Variants in CLSTN2 observed in about 807,000 individuals in gnomAD.
CLSTN2 encodes calsyntenin-2.
A neutral mutation model predicts 101.2 loss-of-function variants in CLSTN2; 48 were observed. The ratio of observed to expected loss-of-function variants is 0.47; its 90% CI spans 0.38 to 0.60. The LOEUF is 0.60. CLSTN2 is among the 20% of genes least tolerant of loss of function. CLSTN2 has a pLI of 0.00. For synonymous variants in CLSTN2, 481 were observed against 463.6 expected (o/e 1.04, Z -0.48); for missense variants, 1,160 against 1,238.2 (o/e 0.94, Z 0.95).
intron 1 of CLSTN2, among the ~76,000 whole-genome samples, chr3:140,052,071 G>C (rs2107768770): frequency 6.6e-6 from 1 of 152,328 alleles, no homozygotes; most frequent in Non-Finnish European, 1.5e-5. Flanking sequence ...AGTGGATGTA[G>C]AATTGAAATC....
At chr3:140,532,828 G>C (rs1451659171) in intron 9 of CLSTN2, among the ~76,000 whole-genome samples, 1 of 152,122 alleles carries the variant, frequency 6.6e-6, no homozygotes, top group Non-Finnish European at 1.5e-5. Flanking sequence ...TCAAACTTCT[G>C]GTTGGCTCTG....
At chr3:140,269,782 A>G (rs1042035743) in intron 2 of CLSTN2, among the ~76,000 whole-genome samples, 5 of 152,216 alleles carry the variant, frequency 3.3e-5, no homozygotes, top group Admixed American at 6.5e-5. Context: ...TTGAAGGAGT[A>G]TTGAGAGAGG....
intron 2 of CLSTN2, among the ~76,000 whole-genome samples, chr3:140,270,821 G>A (rs2086736121): frequency 6.6e-6 from 1 of 152,244 alleles, no homozygotes; most frequent in Middle Eastern, 3.4e-3. Flanking sequence ...CTAGTCGCTG[G>A]TAGCAGAACT....
chr3:140,379,347 G>A (rs1195046202), intron 2 of CLSTN2, among the ~76,000 whole-genome samples: 1 of 152,208 alleles, frequency 6.6e-6, no homozygotes, highest in Non-Finnish European at 1.5e-5. Flanking sequence ...CTGATCCAGG[G>A]GAGGTCACAG....
At position 140,360,013 on chromosome 3, in the gene CLSTN2, C is replaced by CACAT. The variant is rs1191249694; in HGVS notation, c.233-43613_233-43612insTACA. 2.1e-4 allele frequency among the ~76,000 whole-genome samples: 31 copies of CACAT among 150,280 alleles called. 1 individual carries two copies. In the East Asian group the frequency reaches 5.4e-3, roughly 26 times the overall value. On this transcript the variant is annotated intron_variant, in intron 2 of 16. Transcript: ENST00000458420. ...TTTTATACACACACACACACACACACACACACACACACACATATATATATA... is the reference window on the plus strand; with the variant it reads ...TTTTATACACACACACACACACACACACATACACACACACACACATATATATATA...
intron 1 of CLSTN2, among the ~76,000 whole-genome samples, chr3:140,041,909 T>TA (rs768829175): frequency 1.1e-3 from 171 of 152,272 alleles, no homozygotes; most frequent in Non-Finnish European, 1.9e-3. Flanking sequence ...GCTGAGCTGT[T>TA]ATCAGCCATG....
chr3:140,420,651 A>G (rs1186352086), intron 4 of CLSTN2, among the ~76,000 whole-genome samples: 1 of 152,228 alleles, frequency 6.6e-6, no homozygotes, highest in East Asian at 1.9e-4. Context: ...TTTGGTAGCA[A>G]AAATAATGTG....
intron 8 of CLSTN2, among the ~76,000 whole-genome samples, chr3:140,490,413 C>T (rs1383687240): frequency 6.6e-6 from 1 of 151,304 alleles, no homozygotes; most frequent in Non-Finnish European, 1.5e-5. Flanking sequence ...AATCATTTTC[C>T]ACCCAGATCA....
At chr3:140,022,501 C>T (rs765614060) in intron 1 of CLSTN2, among the ~76,000 whole-genome samples, 2 of 152,186 alleles carry the variant, frequency 1.3e-5, no homozygotes. Flanking sequence ...GTGAGAGGCC[C>T]AGACAGCACA....
chr3:140,227,360 T>A (rs1230918739), intron 2 of CLSTN2, among the ~76,000 whole-genome samples: 1 of 152,216 alleles, frequency 6.6e-6, no homozygotes, highest in Non-Finnish European at 1.5e-5. Flanking sequence ...TTGGACTCCA[T>A]GTCTCACATC....
intron 8 of CLSTN2, among the ~76,000 whole-genome samples, chr3:140,470,101 C>T (rs1933802871): frequency 6.6e-6 from 1 of 152,172 alleles, no homozygotes; most frequent in Non-Finnish European, 1.5e-5. Context: ...TAACTCCTGG[C>T]CTACCTTGGG....
chr3:139,958,547 A>G (rs1935449594), intron 1 of CLSTN2, among the ~76,000 whole-genome samples: 1 of 152,038 alleles, frequency 6.6e-6, no homozygotes, highest in Non-Finnish European at 1.5e-5. Context: ...GGGTGGTATA[A>G]TGAACATGAA....
intron 1 of CLSTN2, among the ~76,000 whole-genome samples, chr3:139,962,398 C>T (rs904656011): frequency 6.6e-6 from 1 of 152,058 alleles, no homozygotes; most frequent in African/African-American, 2.4e-5. Flanking sequence ...TGACCTCCAA[C>T]AGTTTTCTAA....
At chr3:140,457,227 C>T (rs1326966423) in intron 6 of CLSTN2, among the ~76,000 whole-genome samples, 1 of 152,194 alleles carries the variant, frequency 6.6e-6, no homozygotes, top group Non-Finnish European at 1.5e-5. Context: ...TCATATTGGT[C>T]CCATTGGCTT....
chr3:140,102,438 G>T (rs897170213), intron 1 of CLSTN2, among the ~76,000 whole-genome samples: 1 of 152,230 alleles, frequency 6.6e-6, no homozygotes, highest in Non-Finnish European at 1.5e-5. Context: ...GACTGAGCAG[G>T]TGACTTCAGG....
At chr3:140,340,589 CAG>C (rs1285735572) in intron 2 of CLSTN2, among the ~76,000 whole-genome samples, 1 of 152,118 alleles carries the variant, frequency 6.6e-6, no homozygotes, top group African/African-American at 2.4e-5. Flanking sequence ...AATGATGGTA[CAG>C]AGAGTTATCA....
chr3:140,181,055 A>G (rs1195295422), intron 2 of CLSTN2, among the ~76,000 whole-genome samples: 1 of 152,194 alleles, frequency 6.6e-6, no homozygotes, highest in African/African-American at 2.4e-5. Context: ...TGTGTCTTAT[A>G]GTGAGAAGGG....
At chr3:140,556,031 GA>G (rs1226477840) in intron 10 of CLSTN2, among the ~76,000 whole-genome samples, 1 of 152,192 alleles carries the variant, frequency 6.6e-6, no homozygotes, top group Non-Finnish European at 1.5e-5. Flanking sequence ...GCCATTAACT[GA>G]AAAATGAGCT....
At chr3:140,530,892 G>A (rs563038268) in intron 8 of CLSTN2, among the ~76,000 whole-genome samples, 50 of 152,314 alleles carry the variant, frequency 3.3e-4, no homozygotes, top group Admixed American at 2.3e-3. Flanking sequence ...GATGTGAACC[G>A]CATTCCAGGT....
Sources: gnomAD v4.1 joint callset for allele counts (sites outside exome capture counted in the v4.1 genomes callset) on GRCh38, gnomAD v4.1.1 for gene constraint, MANE v1.5 for transcripts, NCBI Gene and HGNC (gene_info 2026-07-23, HGNC 2026-07-21) for gene names.